Variants in TMBIM6 observed in about 807,000 individuals in gnomAD.
The protein encoded by TMBIM6 is transmembrane BAX inhibitor motif containing 6.
TMBIM6 carries 13 observed loss-of-function variants against 31.4 expected under a neutral mutation model. The observed-to-expected ratio is 0.41, with a 90% CI of 0.27 to 0.66. TMBIM6 has a LOEUF of 0.66. TMBIM6 is among the 30% of genes least tolerant of loss of function. The pLI is 0.28. For synonymous variants in TMBIM6, 85 were observed against 101.7 expected (o/e 0.84, Z 0.99); for missense variants, 275 against 289.5 (o/e 0.95, Z 0.36).
chr12:49,760,490 C>T (rs997647224), intron 8 of TMBIM6, among the ~76,000 whole-genome samples: 2 of 150,736 alleles, frequency 1.3e-5, no homozygotes, highest in African/African-American at 2.4e-5. Context: ...CCTTGGTTTC[C>T]CAAAGTGTTG....
intron 1 of TMBIM6, chr12:49,742,057 G>T: frequency 6.5e-7 from 1 of 1,545,514 alleles, no homozygotes; most frequent in Non-Finnish European, 8.7e-7. Context: ...CTGTTCGGCT[G>T]CGGGCGGGTC....
intron 1 of TMBIM6, among the ~76,000 whole-genome samples, chr12:49,745,029 G>T (rs1945364246): frequency 6.6e-6 from 1 of 152,174 alleles, no homozygotes; most frequent in Non-Finnish European, 1.5e-5. Context: ...GGAGGAGATG[G>T]ATTCAGTATT....
chr12:49,755,249 G>A (rs531458127), intron 3 of TMBIM6, among the ~76,000 whole-genome samples: 3 of 152,102 alleles, frequency 2.0e-5, no homozygotes, highest in Non-Finnish European at 2.9e-5. Context: ...GAGCCACCAT[G>A]TTTTTTTTAA....
intron 8 of TMBIM6, among the ~76,000 whole-genome samples, chr12:49,761,122 C>G (rs890329994): frequency 1.3e-5 from 2 of 152,260 alleles, no homozygotes; most frequent in East Asian, 1.9e-4. Flanking sequence ...AGGTGTGAGC[C>G]ACTGTGCTCG....
rs923904521 is a variant in TMBIM6 at position 49,764,214 on chromosome 12, A to T, written c.*1318A>T. On this transcript the variant is annotated 3_prime_UTR_variant, in exon 10 of 10. Coordinates refer to ENST00000267115, the MANE Select transcript of TMBIM6 (RefSeq NM_003217.3). ...CTCCTTCCTGTGGGCTGCCACAGAC[A>T]GCTACCCCCAGAAGGGTCAATGTTG... 1 of 152,172 alleles carries T rather than the reference A, an allele frequency of 6.6e-6. No homozygotes were observed. The highest frequency in any genetic ancestry group is 1.9e-4 in the East Asian group (1 of 5,188). 9.4% of individuals were successfully genotyped at this position (152,172 alleles called of 1,614,324 possible).
chr12:49,748,249 C>A (rs1422189042), intron 1 of TMBIM6, among the ~76,000 whole-genome samples: 1 of 151,738 alleles, frequency 6.6e-6, no homozygotes, highest in African/African-American at 2.4e-5. Context: ...TAAGGCTGGA[C>A]CCTTGATAAT....
Position 49,742,350 on chromosome 12 carries a change from G to A in TMBIM6, c.-31+739G>A, listed in dbSNP as rs1945312802. ...CTTTCTAAGTCTGCTCAGCAAGGGC[G>A]TCGTTGGGCAGTTTTTATCTTGGGC... On this transcript the variant is annotated intron_variant, in intron 1 of 9. Transcript: ENST00000267115. 6 of 1,501,000 alleles carry A rather than the reference G, an allele frequency of 4.0e-6. No homozygotes were observed. The East Asian group carries it at 1.4e-4, about 36-fold the overall frequency. 93.0% of individuals were successfully genotyped at this position (1,501,000 alleles called of 1,614,324 possible).
At position 49,755,682 on chromosome 12, in the gene TMBIM6, G is replaced by T; in HGVS notation, c.213G>T (p.Leu71=). The part of the protein sequence containing the change: ...ALGSLILMIW[L]MATPHSHETE... ...GCTCCCTGATATTGATGATTTGGCT[G>T]ATGGCAACACCTCATAGCCATGAAA... Residue 71 remains leucine, a synonymous_variant, in exon 4 of 10, where the codon CTG becomes CTT. Transcript: ENST00000267115. 6.2e-7 allele frequency: 1 copy of T among 1,614,162 alleles called. No homozygotes were observed. Among genetic ancestry groups the T allele is most frequent in the Non-Finnish European group, 8.5e-7 (1 of 1,180,008 alleles).
chr12:49,755,206 C>T (rs896062534), intron 3 of TMBIM6, among the ~76,000 whole-genome samples: 3 of 152,132 alleles, frequency 2.0e-5, no homozygotes, highest in Non-Finnish European at 4.4e-5. Flanking sequence ...ATTTGCCCAC[C>T]TCGGCCTCCC....
At position 49,752,546 on chromosome 12, in the gene TMBIM6, A is replaced by T. The variant is rs753372335; in HGVS notation, c.53A>T (p.His18Leu). The T allele has an allele frequency of 2.5e-6, 4 of 1,612,430 alleles. No homozygotes were observed. Among genetic ancestry groups the T allele is most frequent in the African/African-American group, 1.3e-5 (1 of 74,980 alleles). ...TTTGATGCGCTTTTAAAATTTTCTCATATGTAAGTGTTTTGACCTTGACTG... is the reference window on the plus strand; with the variant it reads ...TTTGATGCGCTTTTAAAATTTTCTCTTATGTAAGTGTTTTGACCTTGACTG... ...INFDALLKFS[H>L]ITPSTQQHLK... is the part of the protein sequence containing the mutation. The change falls in exon 2 of 10, where the codon CAT becomes CTT. Residue 18 changes from histidine to leucine, a missense_variant. His to Leu is a moderately conservative substitution (Grantham distance 99). Coordinates refer to ENST00000267115, the MANE Select transcript of TMBIM6 (RefSeq NM_003217.3).
chr12:49,758,177 C>T, intron 4 of TMBIM6, 50 bp from the exon 5 acceptor site: 2 of 1,606,972 alleles, frequency 1.2e-6, no homozygotes, highest in South Asian at 1.1e-5. Flanking sequence ...GATGAGGATC[C>T]TATTCAAGAA....
chr12:49,750,343 G>C (rs1224493816), intron 1 of TMBIM6, among the ~76,000 whole-genome samples: 1 of 152,230 alleles, frequency 6.6e-6, no homozygotes, highest in Admixed American at 6.5e-5. Flanking sequence ...GTAATTGGAA[G>C]CAAGAGGTTC....
At position 49,763,058 on chromosome 12, in the gene TMBIM6, A is replaced by T. The variant is rs1220250512; in HGVS notation, c.*162A>T. The T allele has an allele frequency of 1.3e-6, 1 of 758,396 alleles. No individual in the cohort carries two copies. The highest frequency in any genetic ancestry group is 2.5e-5 in the East Asian group (1 of 39,368). 47.0% of individuals were successfully genotyped at this position (758,396 alleles called of 1,614,324 possible). ...TTTGAATTTTTTGATCAAAAAACTG[A>T]TTAGCAGAATATAGTTTGGAGTTTG... On this transcript the variant is annotated 3_prime_UTR_variant, in exon 10 of 10. Transcript: ENST00000267115.
At chr12:49,751,019 T>C (rs1945484192) in intron 1 of TMBIM6, among the ~76,000 whole-genome samples, 1 of 152,214 alleles carries the variant, frequency 6.6e-6, no homozygotes, top group African/African-American at 2.4e-5. Context: ...ATGGGCATTA[T>C]GGCCCTGATA....
chr12:49,747,162 G>A (rs1274461565), intron 1 of TMBIM6, among the ~76,000 whole-genome samples: 1 of 151,890 alleles, frequency 6.6e-6, no homozygotes, highest in African/African-American at 2.4e-5. Flanking sequence ...AAACTATATG[G>A]GATTTTTCTT....
At chr12:49,756,997 G>A (rs905067545) in intron 4 of TMBIM6, among the ~76,000 whole-genome samples, 1 of 152,068 alleles carries the variant, frequency 6.6e-6, no homozygotes, top group African/African-American at 2.4e-5. Flanking sequence ...CTCCCAAAGT[G>A]CTGGGATTAC....
At chr12:49,743,677 T>G (rs2136923931) in intron 1 of TMBIM6, 1 of 152,220 alleles carries the variant, frequency 6.6e-6, no homozygotes, top group East Asian at 1.9e-4. Context: ...TAGGAATCAA[T>G]GTATGTTTTG....
intron 6 of TMBIM6, 84 bp from the exon 7 acceptor site, chr12:49,758,598 TG>T (rs1239446162): frequency 3.9e-6 from 6 of 1,557,926 alleles, no homozygotes. Context: ...ACCTTCATTC[TG>T]GGGGAAGTTA....
intron 1 of TMBIM6, among the ~76,000 whole-genome samples, chr12:49,747,036 C>T (rs1408293956): frequency 5.3e-5 from 8 of 151,970 alleles, no homozygotes; most frequent in Non-Finnish European, 1.2e-4. Context: ...CTGGGTGTCA[C>T]CATGTTGGCC....
Sources: gnomAD v4.1 joint callset for allele counts (sites outside exome capture counted in the v4.1 genomes callset) on GRCh38, gnomAD v4.1.1 for gene constraint, MANE v1.5 for transcripts, NCBI Gene and HGNC (gene_info 2026-07-23, HGNC 2026-07-21) for gene names.